STRBP: variants seen among roughly 807,000 people sequenced by gnomAD.
The protein encoded by STRBP is spermatid perinuclear RNA binding protein.
A neutral mutation model predicts 80.1 loss-of-function variants in STRBP; 13 were observed. That is an observed-to-expected ratio of 0.16 (90% CI 0.11 to 0.26). The LOEUF is 0.26. Among genes scored for constraint, STRBP ranks in the 10% least tolerant of loss-of-function variants. STRBP has a pLI of 1.00. For synonymous variants in STRBP, 284 were observed against 291.2 expected, an observed-to-expected ratio of 0.98 and a Z score of 0.25; for missense variants, 485 against 815.2, an observed-to-expected ratio of 0.59 and a Z score of 4.93.
rs1309723356 is a variant in STRBP at position 123,125,260 on chromosome 9, C to G, written c.*337G>C. On this transcript the variant is annotated 3_prime_UTR_variant, in exon 19 of 19. Coordinates refer to ENST00000348403, the MANE Select transcript of STRBP (RefSeq NM_018387.5). ...TTATTTGTGATCAGTGTTTGAGACT[C>G]TATACATCCTTCACAAATTTAATTT... 21 of 1,019,992 alleles carry G rather than the reference C, an allele frequency of 2.1e-5. No individual in the cohort carries two copies. The highest frequency in any genetic ancestry group is 2.2e-5 in the Non-Finnish European group (19 of 851,802). The allele number at this position is 1,019,992 out of a possible 1,614,324, so 63.2% of individuals were successfully genotyped here.
At chr9:123,233,261 G>T (rs972003261) in intron 2 of STRBP, among the ~76,000 whole-genome samples, 12 of 151,080 alleles carry the variant, frequency 7.9e-5, no homozygotes, top group Admixed American at 2.6e-4. Flanking sequence ...TTTTAGAGAT[G>T]GGGGGGTCTC....
intron 2 of STRBP, among the ~76,000 whole-genome samples, chr9:123,198,061 T>C (rs967630475): frequency 2.0e-5 from 3 of 152,160 alleles, no homozygotes; most frequent in Admixed American, 6.6e-5. Flanking sequence ...ATTAGTGATG[T>C]TGAGCATTTT....
chr9:123,234,696 A>G (rs775697056), intron 2 of STRBP, among the ~76,000 whole-genome samples: 4 of 152,184 alleles, frequency 2.6e-5, no homozygotes, highest in Non-Finnish European at 5.9e-5. Flanking sequence ...GAGGTGGCTG[A>G]TGCCTGTAAT....
At chr9:123,191,864 G>T (rs969781283) in intron 2 of STRBP, among the ~76,000 whole-genome samples, 1 of 152,124 alleles carries the variant, frequency 6.6e-6, no homozygotes, top group Non-Finnish European at 1.5e-5. Flanking sequence ...TTTCAGCACA[G>T]AATGACAACA....
Position 123,122,694 on chromosome 9 carries a change from G to A in STRBP, c.*2903C>T, listed in dbSNP as rs185732228. The A allele has an allele frequency of 6.9e-6, 7 of 1,010,602 alleles. No homozygotes were observed. In the Admixed American group the frequency reaches 3.3e-4, roughly 48 times the overall value. The allele number at this position is 1,010,602 out of a possible 1,614,324, so 62.6% of individuals were successfully genotyped here. A position where few individuals can be genotyped will look rare whatever the true frequency, so the allele number is the denominator to read the frequency against. On this transcript the variant is annotated 3_prime_UTR_variant, in exon 19 of 19. Coordinates refer to ENST00000348403, the MANE Select transcript of STRBP (RefSeq NM_018387.5). ...AGCTGCAAGCCACATCCCTGGCTAG[G>A]GGCCAGTCCCCGTGCAGAGGATATG...
At chr9:123,257,711 AG>A (rs1478429810) in intron 1 of STRBP, among the ~76,000 whole-genome samples, 1 of 152,126 alleles carries the variant, frequency 6.6e-6, no homozygotes, top group African/African-American at 2.4e-5. Context: ...CTAGCTACTC[AG>A]CAGACTGAAT....
intron 3 of STRBP, chr9:123,112,012 T>A (rs1199359012): frequency 5.6e-6 from 1 of 178,790 alleles, no homozygotes; most frequent in African/African-American, 2.4e-5. Flanking sequence ...TTCTGAAGTT[T>A]GCAGTGGCTT....
chr9:123,139,000 T>C (rs2036476794), intron 14 of STRBP, among the ~76,000 whole-genome samples: 2 of 152,224 alleles, frequency 1.3e-5, no homozygotes. Context: ...TCCCATTCTA[T>C]TATCTGCGAC....
intron 12 of STRBP, 98 bp from the exon 13 acceptor site, chr9:123,147,152 A>AT (rs1336634539): frequency 1.1e-6 from 1 of 927,012 alleles, no homozygotes; most frequent in East Asian, 2.6e-5. Flanking sequence ...ATTCACCAAA[A>AT]TTTTTTTAAA....
At chr9:123,239,623 C>T (rs926768332) in intron 1 of STRBP, among the ~76,000 whole-genome samples, 1 of 152,220 alleles carries the variant, frequency 6.6e-6, no homozygotes, top group South Asian at 2.1e-4. Flanking sequence ...AGGACAAGGA[C>T]TGTCATCTCT....
intron 1 of STRBP, among the ~76,000 whole-genome samples, chr9:123,250,873 T>C (rs2040899077): frequency 1.3e-5 from 2 of 152,070 alleles, no homozygotes; most frequent in South Asian, 4.1e-4. Flanking sequence ...ATCCCAACAC[T>C]TAGGGAGGCT....
chr9:123,122,333 TAC>T lies in STRBP; in HGVS notation c.*3262_*3263del, dbSNP rs957226046. The T allele has an allele frequency of 1.0e-5, 13 of 1,287,630 alleles. No homozygotes were observed. Among genetic ancestry groups the T allele is most frequent in the South Asian group, 1.2e-5 (1 of 80,966 alleles). The allele number at this position is 1,287,630 out of a possible 1,614,324, so 79.8% of individuals were successfully genotyped here. A position where few individuals can be genotyped will look rare whatever the true frequency, so the allele number is the denominator to read the frequency against. On this transcript the variant is annotated 3_prime_UTR_variant, in exon 19 of 19. Coordinates refer to ENST00000348403, the MANE Select transcript of STRBP (RefSeq NM_018387.5). ...ACTGCTTAAAAGTATTAACCTGAAATACACAGAGGGTCCAACACCAGTTTTAA... is the reference window on the plus strand; with the variant it reads ...ACTGCTTAAAAGTATTAACCTGAAATACAGAGGGTCCAACACCAGTTTTAA...
At chr9:123,247,916 A>C (rs570449226) in intron 1 of STRBP, among the ~76,000 whole-genome samples, 90 of 152,344 alleles carry the variant, frequency 5.9e-4, no homozygotes, top group African/African-American at 2.1e-3. Flanking sequence ...GTTGAAAAAA[A>C]CAACAATAAT....
At chr9:123,222,643 G>C (rs1282414657) in intron 2 of STRBP, among the ~76,000 whole-genome samples, 1 of 152,166 alleles carries the variant, frequency 6.6e-6, no homozygotes, top group Non-Finnish European at 1.5e-5. Context: ...TCAGTAAAAT[G>C]TATCAATTCC....
rs143854682 is a variant in STRBP at position 123,130,302 on chromosome 9, T to C, written c.1898-2044A>G. 1.1e-4 allele frequency among the ~76,000 whole-genome samples: 17 copies of C among 152,282 alleles called. No individual in the cohort carries two copies. The East Asian group carries it at 3.1e-3, about 28-fold the overall frequency. On this transcript the variant is annotated intron_variant, in intron 17 of 18. Transcript: ENST00000348403. ...TACTGTGCAAATGGTATATAACCTA[T>C]TCATAATCTAAAGGGACCTAATCTG...
At chr9:123,195,561 C>A (rs906197703) in intron 2 of STRBP, among the ~76,000 whole-genome samples, 11 of 152,194 alleles carry the variant, frequency 7.2e-5, no homozygotes, top group East Asian at 5.8e-4. Context: ...ACAGCAAACA[C>A]TCTGAAAGAA....
chr9:123,214,849 T>C (rs1184967144), intron 2 of STRBP, among the ~76,000 whole-genome samples: 1 of 152,248 alleles, frequency 6.6e-6, no homozygotes, highest in Non-Finnish European at 1.5e-5. Context: ...GGTGTATATA[T>C]ATGTACAAAA....
rs755533295 is a variant in STRBP at position 123,169,921 on chromosome 9, T to A, written c.516A>T (p.Glu172Asp). ...GTGTACCTCCATCCTTCTTCTCCAA[T>A]TCGTCCCTAATTAGAGGTGAGGTAA... is the stretch of plus-strand genomic sequence containing the variant. ...VILTSPLIRD[E>D]LEKKDGENVS... Residue 172 changes from glutamate to aspartate, a missense_variant, in exon 6 of 19, where the codon GAA becomes GAT. Physicochemically the swap from Glu to Asp is conservative, Grantham distance 45. Transcript: ENST00000348403. 1.3e-6 allele frequency: 2 copies of A among 1,572,336 alleles called. No individual in the cohort carries two copies. Among genetic ancestry groups the A allele is most frequent in the Non-Finnish European group, 1.7e-6 (2 of 1,161,282 alleles).
Position 123,123,180 on chromosome 9 carries a change from G to A in STRBP, c.*2417C>T. On this transcript the variant is annotated 3_prime_UTR_variant, in exon 19 of 19. Transcript: ENST00000348403. ...AATAATAAATGGTGCGACGCTCAGAGGCTGGCAATAGGGGCTGTCAATGAA... is the reference window on the plus strand; with the variant it reads ...AATAATAAATGGTGCGACGCTCAGAAGCTGGCAATAGGGGCTGTCAATGAA... The A allele has an allele frequency of 2.0e-6, 2 of 985,436 alleles. No individual in the cohort carries two copies. The highest frequency in any genetic ancestry group is 2.4e-6 in the Non-Finnish European group (2 of 829,944). 61.0% of individuals were successfully genotyped at this position (985,436 alleles called of 1,614,324 possible).
Sources: allele counts gnomAD v4.1 joint callset (sites outside exome capture counted in the v4.1 genomes callset), GRCh38; gene constraint gnomAD v4.1.1; transcripts MANE v1.5; gene names NCBI Gene and HGNC (gene_info 2026-07-23, HGNC 2026-07-21).